GLMN: variants seen among roughly 807,000 people sequenced by gnomAD.
The protein encoded by GLMN is glomulin.
In GLMN, 75 loss-of-function variants were observed where a neutral mutation model predicts 87.8. The ratio of observed to expected loss-of-function variants is 0.85; its 90% confidence interval spans 0.71 to 1.04. The LOEUF (loss-of-function observed/expected upper bound fraction) is 1.04, where lower values mean the gene tolerates loss of function less well. GLMN is among the 50% of genes least tolerant of loss of function. GLMN has a pLI of 0.00. For synonymous variants in GLMN, 206 were observed against 221.6 expected (o/e 0.93, Z 0.63); for missense variants, 588 against 658.8 (o/e 0.89, Z 1.18).
chr1:92,355,143 C>T, the GLMN span, among the ~76,000 whole-genome samples: 2 of 151,982 alleles, frequency 1.3e-5, no homozygotes, highest in African/African-American at 4.8e-5. Flanking sequence ...AATCCTCCCA[C>T]CTTGTCCTTA....
chr1:92,338,648 ATTTTTTTTTT>A, the GLMN span, among the ~76,000 whole-genome samples: 2 of 142,690 alleles, frequency 1.4e-5, no homozygotes, highest in Non-Finnish European at 3.0e-5. Context: ...CTGATCATTG[ATTTTTTTTTT>A]TTTTTTTTTA....
At chr1:92,331,813 C>T in the GLMN span, among the ~76,000 whole-genome samples, 1 of 152,104 alleles carries the variant, frequency 6.6e-6, no homozygotes, top group Non-Finnish European at 1.5e-5. Flanking sequence ...ATATACTTCT[C>T]TTAGTATCAG....
chr1:92,252,384 A>AC (rs1238190443), intron 16 of GLMN, among the ~76,000 whole-genome samples: 75 of 152,198 alleles, frequency 4.9e-4, no homozygotes, highest in Admixed American at 4.4e-3. Context: ...ATAGAGTGAG[A>AC]CCCCAACTCA....
At chr1:92,363,983 A>AAGTT in the GLMN span, among the ~76,000 whole-genome samples, 1 of 152,078 alleles carries the variant, frequency 6.6e-6, no homozygotes, top group Admixed American at 6.6e-5. Flanking sequence ...GGGGAGTCAA[A>AAGTT]AGTTATATAC....
intron 8 of GLMN, among the ~76,000 whole-genome samples, chr1:92,271,143 T>C (rs958797394): frequency 6.6e-6 from 1 of 152,166 alleles, no homozygotes; most frequent in Non-Finnish European, 1.5e-5. Context: ...ACAGCAGTAA[T>C]CCAGTGAAAA....
chr1:92,271,477 G>A lies in GLMN; in HGVS notation c.911C>T (p.Pro304Leu). ...CACTAACTCTTACCTTAAGACCATT[G>A]GAAGCTGATCAATATGGATGCCCTG... is the stretch of plus-strand genomic sequence containing the variant. ...FVQGIHIDQL[P>L]MVLSPLYLLQ... The change falls in exon 8 of 19, where the codon CCA (proline) becomes CTA (leucine). Residue 304 changes from proline (P) to leucine (L), a missense_variant. Physicochemically the swap from Pro to Leu is moderately conservative, Grantham distance 98 (BLOSUM62 -3). Transcript: ENST00000370360. 7 of 1,611,024 alleles carry A rather than the reference G, an allele frequency of 4.3e-6. No individual in the cohort carries two copies. Among genetic ancestry groups the A allele is most frequent in the Non-Finnish European group, 5.9e-6 (7 of 1,177,618 alleles).
the GLMN span, among the ~76,000 whole-genome samples, chr1:92,342,905 A>C: frequency 1.4e-4 from 21 of 152,108 alleles, no homozygotes; most frequent in Non-Finnish European, 2.8e-4. Flanking sequence ...GGCTCTACCA[A>C]ATTTTGAGAT....
At chr1:92,290,773 A>G (rs1021046084) in intron 4 of GLMN, among the ~76,000 whole-genome samples, 3 of 152,240 alleles carry the variant, frequency 2.0e-5, no homozygotes, top group Non-Finnish European at 2.9e-5. Context: ...TAACTCATAC[A>G]GATGGAGCTC....
intron 16 of GLMN, among the ~76,000 whole-genome samples, chr1:92,252,562 C>T (rs574761598): frequency 2.1e-4 from 32 of 152,210 alleles, no homozygotes; most frequent in Non-Finnish European, 3.4e-4. Context: ...CAAAAGTAGC[C>T]TAAAGAAATT....
intron 7 of GLMN, among the ~76,000 whole-genome samples, chr1:92,282,707 C>A (rs1007873939): frequency 6.6e-6 from 1 of 151,780 alleles, no homozygotes; most frequent in East Asian, 1.9e-4. Flanking sequence ...TTGAAAAGAT[C>A]AACAAAATAC....
rs191497741 is a variant in GLMN at position 92,254,857 on chromosome 1, T to G, written c.1474-6868A>C. Reference sequence around the variant, plus strand: ...ACTATGAAGAAACTGCATAACTAATTGGCAAAATAACCAGCTAGCATAATG... The same window carrying G: ...ACTATGAAGAAACTGCATAACTAATGGGCAAAATAACCAGCTAGCATAATG... On this transcript the variant is annotated intron_variant, in intron 16 of 18. Transcript: ENST00000370360. Among the ~76,000 whole-genome samples the G allele has an allele frequency of 5.3e-5, 8 of 152,178 alleles. No homozygotes were observed. The East Asian group carries it at 1.5e-3, about 29-fold the overall frequency.
intron 16 of GLMN, among the ~76,000 whole-genome samples, chr1:92,254,421 C>T (rs771404862): frequency 5.9e-5 from 9 of 152,042 alleles, no homozygotes; most frequent in Non-Finnish European, 1.0e-4. Context: ...CAGAGAACAC[C>T]ACAAAGATAC....
At chr1:92,362,212 C>T in the GLMN span, among the ~76,000 whole-genome samples, 1 of 152,148 alleles carries the variant, frequency 6.6e-6, no homozygotes, top group Non-Finnish European at 1.5e-5. Flanking sequence ...AGTGTGTTTT[C>T]TCCTCTGTTG....
At chr1:92,265,077 G>A (rs949128428) in intron 13 of GLMN, among the ~76,000 whole-genome samples, 4 of 152,048 alleles carry the variant, frequency 2.6e-5, no homozygotes, top group Admixed American at 1.3e-4. Context: ...TCCTGACCTC[G>A]TGATCCGCCT....
At chr1:92,343,543 T>C in the GLMN span, among the ~76,000 whole-genome samples, 1 of 152,188 alleles carries the variant, frequency 6.6e-6, no homozygotes, top group East Asian at 1.9e-4. Context: ...AAATATATCC[T>C]CCACTCAGAA....
chr1:92,326,143 T>C, the GLMN span, among the ~76,000 whole-genome samples: 1 of 152,280 alleles, frequency 6.6e-6, no homozygotes, highest in African/African-American at 2.4e-5. Flanking sequence ...ACAGTTCCAC[T>C]ACTACTATAT....
At chr1:92,321,587 A>C in the GLMN span, among the ~76,000 whole-genome samples, 1 of 151,960 alleles carries the variant, frequency 6.6e-6, no homozygotes, top group Admixed American at 6.6e-5. Flanking sequence ...TGTTTGTTTC[A>C]AGTTTGTATT....
chr1:92,280,124 C>T (rs1364330446), intron 7 of GLMN, among the ~76,000 whole-genome samples: 4 of 152,228 alleles, frequency 2.6e-5, no homozygotes, highest in Non-Finnish European at 5.9e-5. Context: ...CTCAGCATAG[C>T]ATTCGAGCTC....
chr1:92,284,551 A>C (rs901261652), intron 7 of GLMN, among the ~76,000 whole-genome samples: 15 of 152,250 alleles, frequency 9.9e-5, no homozygotes, highest in Non-Finnish European at 1.3e-4. Flanking sequence ...CATTCAGGAC[A>C]TAGGCATGGG....
Sources: allele counts gnomAD v4.1 joint callset (sites outside exome capture counted in the v4.1 genomes callset), GRCh38; gene constraint gnomAD v4.1.1; transcripts MANE v1.5; gene names NCBI Gene and HGNC (gene_info 2026-07-23, HGNC 2026-07-21).